CRY2: variants seen among roughly 807,000 people sequenced by gnomAD.
The protein encoded by CRY2 is cryptochrome circadian regulator 2, also known as cryptochrome-2.
A neutral mutation model predicts 69.5 loss-of-function variants in CRY2; 31 were observed. The ratio of observed to expected loss-of-function variants is 0.45; its 90% CI spans 0.34 to 0.60. The LOEUF (loss-of-function observed/expected upper bound fraction) is 0.60. Among genes scored for constraint, CRY2 ranks in the 20% least tolerant of loss-of-function variants. CRY2 has a pLI of 0.02. For missense variants in CRY2, 606 were observed against 797.8 expected, an observed-to-expected ratio of 0.76 and a Z score of 2.90; for synonymous variants, 303 against 312.2, an observed-to-expected ratio of 0.97 and a Z score of 0.31.
At chr11:45,869,461 G>A (rs1374741091) in intron 6 of CRY2, 45 bp from the exon 7 acceptor site, 2 of 1,555,552 alleles carry the variant, frequency 1.3e-6, no homozygotes, top group Non-Finnish European at 1.7e-6. Context: ...ACCATGCTAA[G>A]AGCTGGGCGA....
chr11:45,877,543 T>C (rs958757125), intron 11 of CRY2, among the ~76,000 whole-genome samples: 1 of 152,202 alleles, frequency 6.6e-6, no homozygotes, highest in Non-Finnish European at 1.5e-5. Context: ...CTAACTAACA[T>C]TGGGTTGCAG....
At chr11:45,870,630 A>T in intron 9 of CRY2, 98 bp downstream of exon 9, 3 of 1,433,392 alleles carry the variant, frequency 2.1e-6, no homozygotes, top group Non-Finnish European at 2.9e-6. Flanking sequence ...AGGGAGACTG[A>T]GTGCTGTCTT....
chr11:45,876,093 CCT>C (rs2086422360), intron 11 of CRY2, among the ~76,000 whole-genome samples: 1 of 152,086 alleles, frequency 6.6e-6, no homozygotes, highest in African/African-American at 2.4e-5. Flanking sequence ...TCCTCCATTT[CCT>C]CTGTAATTTT....
At position 45,882,655 on chromosome 11, in the gene CRY2, T is replaced by G. The variant is rs2086484985; in HGVS notation, c.*1744T>G. The G allele has an allele frequency of 2.5e-6, 1 of 399,004 alleles. No individual in the cohort carries two copies. Among genetic ancestry groups the G allele is most frequent in the Non-Finnish European group, 4.4e-6 (1 of 226,090 alleles). 24.7% of individuals were successfully genotyped at this position (399,004 alleles called of 1,614,324 possible). ...GCAGGGCACAGGGGATGGTGTGCAT[T>G]CAGAGCATTGGGTTGGGGGCTTCCC... On this transcript the variant is annotated 3_prime_UTR_variant, in exon 12 of 12. Coordinates refer to ENST00000616080, the MANE Select transcript of CRY2 (RefSeq NM_021117.5).
chr11:45,848,595 G>T (rs1325082090), intron 1 of CRY2, among the ~76,000 whole-genome samples: 1 of 152,182 alleles, frequency 6.6e-6, no homozygotes, highest in Non-Finnish European at 1.5e-5. Flanking sequence ...CATGGAAAAA[G>T]ATGAACAGGT....
In CRY2 at chr11:45,870,034, C is replaced by T. The variant is rs758068975; in HGVS notation, c.1195-19C>T. ...GCTGCATGTCCCCAAGGAGGCTGATCATCCCCTCCCCTATCTAGGTATTTG... is the reference window on the plus strand; with the variant it reads ...GCTGCATGTCCCCAAGGAGGCTGATTATCCCCTCCCCTATCTAGGTATTTG... On this transcript the variant is annotated intron_variant, in intron 7 of 11. Transcript: ENST00000616080. 54 of 1,575,254 alleles carry T rather than the reference C, an allele frequency of 3.4e-5. No homozygotes were observed. In the Admixed American group the frequency reaches 9.3e-4, roughly 27 times the overall value.
chr11:45,870,898 C>G lies in CRY2; in HGVS notation c.1606C>G (p.Pro536Ala). 6.2e-7 allele frequency: 1 copy of G among 1,613,010 alleles called. No individual in the cohort carries two copies. The highest frequency in any genetic ancestry group is 8.5e-7 in the Non-Finnish European group (1 of 1,179,992). Residue 536 changes from proline (P) to alanine (A), a missense_variant, in exon 10 of 12, where the codon CCC becomes GCC. This residue lies in a region of CRY2 where 173 missense variants were observed against 213.7 expected (regional missense o/e 0.81). Transcript: ENST00000616080. The part of the protein sequence containing the change: ...VEDLSHPVAE[P>A]SSSQAGSMSS... ...AGACCTCAGTCACCCTGTGGCAGAG[C>G]CCAGCTCGAGCCAGGCTGGCAGCAT...
intron 4 of CRY2, 104 bp downstream of exon 4, chr11:45,861,136 A>C (rs1379347656): frequency 7.5e-6 from 10 of 1,337,130 alleles, no homozygotes; most frequent in Admixed American, 2.7e-5. Context: ...TAGAAAGCAC[A>C]GGAAAACAAA....
In CRY2 at chr11:45,882,670, G is replaced by C; in HGVS notation, c.*1759G>C. 1 of 398,970 alleles carries C rather than the reference G, an allele frequency of 2.5e-6. No homozygotes were observed. The highest frequency in any genetic ancestry group is 4.4e-6 in the Non-Finnish European group (1 of 226,088). The allele number at this position is 398,970 out of a possible 1,614,324, so 24.7% of individuals were successfully genotyped here. A position where few individuals can be genotyped will look rare whatever the true frequency, so the allele number is the denominator to read the frequency against. ...TGGTGTGCATTCAGAGCATTGGGTT[G>C]GGGGCTTCCCTGTTCCCTCAGCCCC... On this transcript the variant is annotated 3_prime_UTR_variant, in exon 12 of 12. Transcript: ENST00000616080.
chr11:45,848,046 C>T (rs993816421), intron 1 of CRY2, among the ~76,000 whole-genome samples: 1 of 152,150 alleles, frequency 6.6e-6, no homozygotes, highest in Non-Finnish European at 1.5e-5. Context: ...GGCTCCTGGT[C>T]TAGGGCTCTT....
rs370196977 is a variant in CRY2 at position 45,882,292 on chromosome 11, C to CGTGTGT, written c.*1391_*1396dup. 4.6e-6 allele frequency: 1 copy of CGTGTGT among 219,318 alleles called. No homozygotes were observed. The highest frequency in any genetic ancestry group is 2.3e-5 in the African/African-American group (1 of 43,680). The allele number at this position is 219,318 out of a possible 1,614,324, so 13.6% of individuals were successfully genotyped here. ...TGTGTGTGTGTGTGCGTGTGTGGTA[C>CGTGTGT]GTGTGTGTGTGTGTGGCTATGAGGC... On this transcript the variant is annotated 3_prime_UTR_variant, in exon 12 of 12. Transcript: ENST00000616080.
chr11:45,849,933 C>T (rs1353229050), intron 1 of CRY2, among the ~76,000 whole-genome samples: 1 of 151,886 alleles, frequency 6.6e-6, no homozygotes, highest in Non-Finnish European at 1.5e-5. Context: ...CCCTTTCTCC[C>T]AGTTCTGTTA....
chr11:45,865,663 T>G (rs2086325109), intron 5 of CRY2, among the ~76,000 whole-genome samples: 1 of 151,898 alleles, frequency 6.6e-6, no homozygotes, highest in African/African-American at 2.4e-5. Flanking sequence ...TGAGAGCAGA[T>G]GCGTAAAGAA....
intron 11 of CRY2, among the ~76,000 whole-genome samples, chr11:45,876,318 CT>C (rs1244369221): frequency 1.3e-5 from 2 of 152,190 alleles, no homozygotes; most frequent in Admixed American, 6.5e-5. Flanking sequence ...TTAAACTGAT[CT>C]GGTAGGAAAG....
chr11:45,861,449 T>A (rs1590765442), intron 4 of CRY2: 1 of 168,658 alleles, frequency 5.9e-6, no homozygotes, highest in African/African-American at 2.4e-5. Context: ...TTACCTTTTT[T>A]TTTTCTTTTT....
intron 4 of CRY2, chr11:45,861,263 G>A (rs1201106774): frequency 2.8e-5 from 14 of 506,828 alleles, no homozygotes; most frequent in Non-Finnish European, 4.5e-5. Flanking sequence ...TCTGTTTCTG[G>A]TTCTAGATCA....
At chr11:45,852,104 T>G (rs1275961110) in intron 1 of CRY2, among the ~76,000 whole-genome samples, 3 of 152,238 alleles carry the variant, frequency 2.0e-5, no homozygotes, top group Non-Finnish European at 2.9e-5. Context: ...CAGTCTGGTT[T>G]TCTCCAGTTC....
chr11:45,877,298 G>T (rs1010896443), intron 11 of CRY2, among the ~76,000 whole-genome samples: 1 of 152,202 alleles, frequency 6.6e-6, no homozygotes, highest in African/African-American at 2.4e-5. Flanking sequence ...ACTGTGCCTT[G>T]CCCAATATGA....
In CRY2 at chr11:45,880,921, G is replaced by A. The variant is rs1014087802; in HGVS notation, c.*10G>A. The A allele has an allele frequency of 6.6e-6, 1 of 152,284 alleles. No homozygotes were observed. Among genetic ancestry groups the A allele is most frequent in the African/African-American group, 2.4e-5 (1 of 41,470 alleles). The allele number at this position is 152,284 out of a possible 1,614,324, so 9.4% of individuals were successfully genotyped here. On this transcript the variant is annotated 3_prime_UTR_variant, in exon 12 of 12. Coordinates refer to ENST00000616080, the MANE Select transcript of CRY2 (RefSeq NM_021117.5). The stretch of plus-strand genomic sequence containing the variant: ...CTTGTTTTTCTCTTCCAGCTGCAGA[G>A]CCCTTGCTCCGTGAGCAAAGCCTGG...
Sources: allele counts gnomAD v4.1 joint callset (sites outside exome capture counted in the v4.1 genomes callset), GRCh38; gene constraint gnomAD v4.1.1; regional missense constraint gnomAD v4.1.1; transcripts MANE v1.5; gene names NCBI Gene and HGNC (gene_info 2026-07-23, HGNC 2026-07-21).